Variants in STK3 observed in about 807,000 individuals in gnomAD.
STK3 encodes the protein serine/threonine-protein kinase 3.
In STK3, 41 loss-of-function variants were observed where a neutral mutation model predicts 58.0. The observed-to-expected ratio is 0.71, with a 90% CI of 0.55 to 0.92. The LOEUF (loss-of-function observed/expected upper bound fraction) is 0.92, where lower values mean the gene tolerates loss of function less well. STK3 is among the 40% of genes least tolerant of loss of function. The pLI, the probability that STK3 is intolerant of heterozygous loss-of-function variation, is 0.00. For missense variants in STK3, 479 were observed against 602.7 expected, an observed-to-expected ratio of 0.79 and a Z score of 2.15; for synonymous variants, 170 against 191.0, an observed-to-expected ratio of 0.89 and a Z score of 0.91.
chr8:98,643,331 C>T (rs998099102), intron 6 of STK3, among the ~76,000 whole-genome samples: 1 of 152,110 alleles, frequency 6.6e-6, no homozygotes, highest in Non-Finnish European at 1.5e-5. Context: ...TATTAATGTC[C>T]TTCTGGCTCA....
intron 8 of STK3, among the ~76,000 whole-genome samples, chr8:98,571,930 CTT>C (rs1813001187): frequency 6.6e-6 from 1 of 152,132 alleles, no homozygotes; most frequent in South Asian, 2.1e-4. Flanking sequence ...CCTTATCAGT[CTT>C]TTAAAGTGCT....
chr8:98,351,373 C>A, the STK3 span, among the ~76,000 whole-genome samples: 1 of 152,084 alleles, frequency 6.6e-6, no homozygotes, highest in African/African-American at 2.4e-5. Flanking sequence ...ATCGAGAGAT[C>A]TTATGTAAAA....
At chr8:98,571,367 T>C (rs1812951690) in intron 8 of STK3, among the ~76,000 whole-genome samples, 1 of 152,020 alleles carries the variant, frequency 6.6e-6, no homozygotes, top group Admixed American at 6.6e-5. Context: ...AAGGTCCCTA[T>C]TGAACAGGGG....
intron 1 of STK3, among the ~76,000 whole-genome samples, chr8:98,937,332 A>G (rs1234656926): frequency 6.6e-6 from 1 of 152,218 alleles, no homozygotes; most frequent in Admixed American, 6.5e-5. Flanking sequence ...AAGTGAAATA[A>G]CATCATTATA....
intron 10 of STK3, among the ~76,000 whole-genome samples, chr8:98,524,920 T>C (rs114725155): frequency 0.011 from 1,666 of 152,280 alleles, 24 homozygotes; most frequent in African/African-American, 0.037. Flanking sequence ...GAAAGTAAAA[T>C]AGTTGTTATT....
chr8:98,590,309 T>A (rs775745016), intron 7 of STK3, among the ~76,000 whole-genome samples: 1 of 152,340 alleles, frequency 6.6e-6, no homozygotes, highest in Non-Finnish European at 1.5e-5. Flanking sequence ...TGTGCCCTGA[T>A]GCCGTTCCTT....
intron 3 of STK3, among the ~76,000 whole-genome samples, chr8:98,751,049 A>AAAGG (rs1829943888): frequency 6.6e-6 from 1 of 152,220 alleles, no homozygotes; most frequent in Non-Finnish European, 1.5e-5. Context: ...ATAAAATCAG[A>AAAGG]CATCCATTCA....
At chr8:98,397,474 T>A (rs940783875), downstream of STK3, among the ~76,000 whole-genome samples, 1 of 152,078 alleles carries the variant, frequency 6.6e-6, no homozygotes, top group African/African-American at 2.4e-5. Context: ...AGGTCAAGGC[T>A]GCAGTGAGCC....
chr8:98,370,944 A>G (rs1048698833), downstream of STK3, among the ~76,000 whole-genome samples: 1 of 152,208 alleles, frequency 6.6e-6, no homozygotes, highest in Non-Finnish European at 1.5e-5. Flanking sequence ...GGGGTATTAT[A>G]TGTGAAAGAC....
At chr8:98,717,923 T>C (rs904820376) in intron 4 of STK3, among the ~76,000 whole-genome samples, 3 of 152,186 alleles carry the variant, frequency 2.0e-5, no homozygotes, top group Non-Finnish European at 4.4e-5. Context: ...GAGTACATTA[T>C]GCTAAATGAA....
At chr8:98,402,057 A>T (rs2131027415) in intron 3 of STK3, among the ~76,000 whole-genome samples, 1 of 152,328 alleles carries the variant, frequency 6.6e-6, no homozygotes, top group South Asian at 2.1e-4. Context: ...TATACATAAG[A>T]TTATACTATC....
At chr8:98,719,283 T>C (rs921923730) in intron 4 of STK3, among the ~76,000 whole-genome samples, 5 of 152,196 alleles carry the variant, frequency 3.3e-5, no homozygotes, top group Non-Finnish European at 7.4e-5. Flanking sequence ...AATTGTGTCT[T>C]ATTTAGTTAC....
intron 3 of STK3, among the ~76,000 whole-genome samples, chr8:98,834,744 G>A (rs3019293): frequency 0.34 from 51,241 of 152,068 alleles, 8,974 homozygotes; most frequent in East Asian, 0.45. Context: ...ATCACCTCCA[G>A]ATGCCATCAC....
chr8:98,484,544 T>C (rs1822097179), intron 10 of STK3, among the ~76,000 whole-genome samples: 1 of 152,176 alleles, frequency 6.6e-6, no homozygotes, highest in African/African-American at 2.4e-5. Context: ...TACAAGTTTA[T>C]GGACTTTTTA....
intron 7 of STK3, 107 bp from the exon 8 acceptor site, chr8:98,579,896 G>A (rs1298262317): frequency 1.9e-6 from 2 of 1,040,410 alleles, no homozygotes; most frequent in Non-Finnish European, 2.6e-6. Flanking sequence ...AGGCTTCAAT[G>A]ATTGTTTTTT....
intron 3 of STK3, among the ~76,000 whole-genome samples, chr8:98,871,285 C>T (rs1402949412): frequency 1.3e-5 from 2 of 152,130 alleles, no homozygotes; most frequent in African/African-American, 4.8e-5. Context: ...TGTGATGCCT[C>T]CAGCTTTGTT....
chr8:98,829,011 C>T (rs1587719414), upstream of STK3, among the ~76,000 whole-genome samples: 1 of 152,210 alleles, frequency 6.6e-6, no homozygotes. Context: ...TCCATCTGCT[C>T]TCTGCTCTGA....
chr8:98,667,265 A>G (rs2130819679), intron 6 of STK3, among the ~76,000 whole-genome samples: 2 of 152,268 alleles, frequency 1.3e-5, no homozygotes, highest in South Asian at 4.1e-4. Flanking sequence ...TAGTCAGTAA[A>G]AGGATAAAAT....
intron 3 of STK3, among the ~76,000 whole-genome samples, chr8:98,404,590 G>A: frequency 6.7e-6 from 1 of 150,204 alleles, no homozygotes; most frequent in East Asian, 2.0e-4. Flanking sequence ...TGAGGCAGGA[G>A]AATGGCGTGA....
Sources: allele counts gnomAD v4.1 joint callset (sites outside exome capture counted in the v4.1 genomes callset), GRCh38; gene constraint gnomAD v4.1.1; transcripts MANE v1.5; gene names NCBI Gene and HGNC (gene_info 2026-07-23, HGNC 2026-07-21).